PCDHGA3: variants seen among roughly 807,000 people sequenced by gnomAD.
PCDHGA3 encodes the protein protocadherin gamma subfamily A, 3, also known as protocadherin gamma-A3.
In PCDHGA3, 40 loss-of-function variants were observed where a neutral mutation model predicts 58.5. The ratio of observed to expected loss-of-function variants is 0.68; its 90% confidence interval spans 0.53 to 0.89. The LOEUF is 0.89. Among genes scored for constraint, PCDHGA3 ranks in the 40% least tolerant of loss-of-function variants. The pLI, the probability that PCDHGA3 is intolerant of heterozygous loss-of-function variation, is 0.00. For missense variants in PCDHGA3, 1,223 were observed against 1,195.9 expected (o/e 1.02, Z -0.33); for synonymous variants, 530 against 525.7 (o/e 1.01, Z -0.11).
chr5:141,351,069 T>C (rs774201056), intron 1 of PCDHGA3: 1 of 1,614,070 alleles, frequency 6.2e-7, no homozygotes, highest in Non-Finnish European at 8.5e-7. Flanking sequence ...GATGAGGGCA[T>C]TAATGCAGAG....
rs774103190 is a variant in PCDHGA3 at position 141,344,311 on chromosome 5, A to G, written c.278A>G (p.Glu93Gly). The G allele has an allele frequency of 3.7e-6, 6 of 1,613,972 alleles. No individual in the cohort carries two copies. In the African/African-American group the frequency reaches 6.7e-5, roughly 18 times the overall value. The change falls in exon 1 of 4, where the codon GAG becomes GGG. Residue 93 changes from glutamate to glycine, a missense_variant. Physicochemically the swap from Glu to Gly is moderately conservative, Grantham distance 98. Around this residue, in one of 3 missense-constraint regions of PCDHGA3, gnomAD observed 791 missense variants for 708.5 expected, o/e 1.12. Coordinates refer to ENST00000253812, the MANE Select transcript of PCDHGA3 (RefSeq NM_018916.4). ...GTCACCGCGGAGAGGATAGACCGGGAGGAGCTCTGCGCTCAGATCCCGCTG... is the reference window on the plus strand; with the variant it reads ...GTCACCGCGGAGAGGATAGACCGGGGGGAGCTCTGCGCTCAGATCCCGCTG... ...SLVTAERIDR[E>G]ELCAQIPLCL...
chr5:141,399,387 CACAG>C, intron 1 of PCDHGA3: 4 of 1,614,028 alleles, frequency 2.5e-6, no homozygotes, highest in Non-Finnish European at 2.5e-6. Context: ...CCATCACAGC[CACAG>C]ACAGGGGCAA....
intron 1 of PCDHGA3, among the ~76,000 whole-genome samples, chr5:141,461,536 T>C (rs1424913303): frequency 1.3e-5 from 2 of 152,240 alleles, no homozygotes; most frequent in Non-Finnish European, 2.9e-5. Context: ...TTCTGGATAC[T>C]AGTCCTTTGT....
intron 1 of PCDHGA3, among the ~76,000 whole-genome samples, chr5:141,381,934 A>C (rs1777775116): frequency 7.0e-6 from 1 of 143,002 alleles, no homozygotes; most frequent in Non-Finnish European, 1.5e-5. Flanking sequence ...GGTTCAAGCG[A>C]TTTTCCTGCC....
intron 1 of PCDHGA3, chr5:141,416,482 A>G (rs1009921478): frequency 6.6e-6 from 1 of 152,210 alleles, no homozygotes; most frequent in East Asian, 1.9e-4. Context: ...TGTTCCCGAG[A>G]ACAGGAGCAA....
intron 2 of PCDHGA3, among the ~76,000 whole-genome samples, chr5:141,498,114 G>C (rs1336064850): frequency 6.6e-6 from 1 of 152,196 alleles, no homozygotes; most frequent in East Asian, 1.9e-4. Flanking sequence ...CGTATAATAG[G>C]GATTTGATTT....
chr5:141,372,630 A>G, intron 1 of PCDHGA3: 1 of 1,614,014 alleles, frequency 6.2e-7, no homozygotes, highest in Non-Finnish European at 8.5e-7. Flanking sequence ...CTACAGCGAA[A>G]GGACTTTGCC....
Position 141,432,856 on chromosome 5 carries a change from G to A in PCDHGA3, c.2425-61951G>A, listed in dbSNP as rs773243805. 8.7e-6 allele frequency: 14 copies of A among 1,614,024 alleles called. No homozygotes were observed. The highest frequency in any genetic ancestry group is 1.3e-5 in the African/African-American group (1 of 74,908). ...TGTACCTGGTGGTAGCGGTGGCCGC[G>A]GTCTCCTGCGTCTTCCTGGCCTTCG... On this transcript the variant is annotated intron_variant, in intron 1 of 3. Coordinates refer to ENST00000253812, the MANE Select transcript of PCDHGA3 (RefSeq NM_018916.4). The surrounding 1 kb of genome is among the most constrained non-coding windows in gnomAD (Gnocchi z 6.0).
Position 141,421,726 on chromosome 5 carries a change from T to G in PCDHGA3, c.2425-73081T>G. On this transcript the variant is annotated intron_variant, in intron 1 of 3. Transcript: ENST00000253812. The stretch of plus-strand genomic sequence containing the variant: ...TAGGGATCCAGATGTGGGCGTGAAC[T>G]CCCTCCAGAGCTACCAGCTCAGCCC... 1 of 1,613,928 alleles carries G rather than the reference T, an allele frequency of 6.2e-7. No homozygotes were observed. Among genetic ancestry groups the G allele is most frequent in the Non-Finnish European group, 8.5e-7 (1 of 1,179,852 alleles).
At chr5:141,400,547 C>A (rs534226736) in intron 1 of PCDHGA3, 12 of 1,613,676 alleles carry the variant, frequency 7.4e-6, no homozygotes, top group African/African-American at 2.7e-5. Flanking sequence ...TATGTCTATT[C>A]TTTTTCATTA....
intron 1 of PCDHGA3, chr5:141,423,372 C>G: frequency 6.2e-7 from 1 of 1,614,178 alleles, no homozygotes; most frequent in Non-Finnish European, 8.5e-7. Context: ...TGCTGGCACT[C>G]AGGCTGTGGC....
chr5:141,439,333 G>A (rs964224344), intron 1 of PCDHGA3, among the ~76,000 whole-genome samples: 1 of 152,154 alleles, frequency 6.6e-6, no homozygotes, highest in Non-Finnish European at 1.5e-5. Flanking sequence ...TGGAAAGAAA[G>A]ATTCTAAGCC....
rs770010951 is a variant in PCDHGA3 at position 141,408,783 on chromosome 5, T to A, written c.2424+62326T>A. On this transcript the variant is annotated intron_variant, in intron 1 of 3. Transcript: ENST00000253812. ...TCCGATGGTGGCAAATACCCAGAGT[T>A]ATCTCTGGAGAAACTCCTAGACCGG... 26 of 1,612,386 alleles carry A rather than the reference T, an allele frequency of 1.6e-5. No homozygotes were observed. The East Asian group carries it at 5.8e-4, about 36-fold the overall frequency.
chr5:141,348,394 C>A (rs1169236382), intron 1 of PCDHGA3, among the ~76,000 whole-genome samples: 2 of 152,068 alleles, frequency 1.3e-5, no homozygotes, highest in Non-Finnish European at 2.9e-5. Context: ...CATAGCATGA[C>A]CCTGTCTCAA....
chr5:141,478,671 A>G (rs996413401), intron 1 of PCDHGA3: 19 of 1,551,538 alleles, frequency 1.2e-5, no homozygotes, highest in Non-Finnish European at 1.7e-5. Context: ...TCACACTTTC[A>G]ACTGGCCCTT....
At position 141,489,094 on chromosome 5, in the gene PCDHGA3, G is replaced by GAAA. The variant is rs2154581134; in HGVS notation, c.2425-5711_2425-5710insAAA. On this transcript the variant is annotated intron_variant, in intron 1 of 3. Coordinates refer to ENST00000253812, the MANE Select transcript of PCDHGA3 (RefSeq NM_018916.4). The surrounding 1 kb of genome is among the most constrained non-coding windows in gnomAD (Gnocchi z 4.5). ...CCCACCCCCGCCACTCGGTGACTAA[G>GAAA]AACTGCTGCAAGCAGGCAAACCTCC... The GAAA allele has an allele frequency of 5.1e-6, 2 of 396,028 alleles. No homozygotes were observed. Among genetic ancestry groups the GAAA allele is most frequent in the South Asian group, 4.8e-5 (1 of 20,814 alleles). The allele number at this position is 396,028 out of a possible 1,614,324, so 24.5% of individuals were successfully genotyped here.
chr5:141,450,851 G>T (rs1184272833), intron 1 of PCDHGA3, among the ~76,000 whole-genome samples: 1 of 142,602 alleles, frequency 7.0e-6, no homozygotes, highest in Non-Finnish European at 1.5e-5. Context: ...TTGAGATGGG[G>T]TCTTGCTCTG....
chr5:141,425,523 T>C (rs1260519939), intron 1 of PCDHGA3, among the ~76,000 whole-genome samples: 1 of 152,248 alleles, frequency 6.6e-6, no homozygotes, highest in Admixed American at 6.5e-5. Flanking sequence ...TGATGAAACA[T>C]GAAACAATAA....
intron 1 of PCDHGA3, chr5:141,370,273 C>G: frequency 1.2e-6 from 1 of 809,002 alleles, no homozygotes; most frequent in East Asian, 2.7e-5. Context: ...GCAGCGGAGA[C>G]ACCCATTAGA....
Sources: gnomAD v4.1 joint callset for allele counts (sites outside exome capture counted in the v4.1 genomes callset) on GRCh38, gnomAD v4.1.1 for gene constraint, gnomAD v4.1.1 regional missense constraint, Gnocchi (gnomAD v3.1) non-coding constraint, MANE v1.5 for transcripts, NCBI Gene and HGNC (gene_info 2026-07-23, HGNC 2026-07-21) for gene names.